The following POLRMT variants were observed in gnomAD, a reference collection of about 807,000 sequenced individuals.
POLRMT encodes RNA polymerase mitochondrial.
A neutral mutation model predicts 132.2 loss-of-function variants in POLRMT; 114 were observed. The observed-to-expected ratio is 0.86, with a 90% CI of 0.74 to 1.01. POLRMT has a LOEUF of 1.01. POLRMT is among the 50% of genes least tolerant of loss of function. The pLI, the probability that POLRMT is intolerant of heterozygous loss-of-function variation, is 0.00. For synonymous variants in POLRMT, 1,020 were observed against 773.4 expected (o/e 1.32, Z -5.29); for missense variants, 2,003 against 1,729.1 (o/e 1.16, Z -2.81).
chr19:617,565 C>T lies in POLRMT; in HGVS notation c.3581+5G>A, dbSNP rs1171569497. Reference sequence around the variant, plus strand: ...CCAGGTAGTTGGGGTCAGGGAGCGCCTTACTCAGAGCAGAACCGCTTGACC... The same window carrying T: ...CCAGGTAGTTGGGGTCAGGGAGCGCTTTACTCAGAGCAGAACCGCTTGACC... On this transcript the variant is annotated splice_donor_5th_base_variant and intron_variant, in intron 19 of 20. Coordinates refer to ENST00000588649, the MANE Select transcript of POLRMT (RefSeq NM_005035.4). 1.9e-6 allele frequency: 3 copies of T among 1,611,440 alleles called. No homozygotes were observed. Among genetic ancestry groups the T allele is most frequent in the Non-Finnish European group, 2.5e-6 (3 of 1,179,950 alleles).
intron 15 of POLRMT, 105 bp downstream of exon 15, chr19:618,892 G>C (rs938428880): frequency 3.0e-6 from 4 of 1,354,888 alleles, no homozygotes; most frequent in East Asian, 2.5e-5. Context: ...TGGCACACTG[G>C]GGCGGTGGTA....
chr19:618,229 G>T, intron 17 of POLRMT: 2 of 547,532 alleles, frequency 3.7e-6, no homozygotes, highest in Non-Finnish European at 3.3e-6. Flanking sequence ...ACCACACATC[G>T]CGGTGCCAAG....
rs1404588802 is a variant in POLRMT at position 622,392 on chromosome 19, A to G, written c.1627-19T>C. 6.1e-5 allele frequency: 94 copies of G among 1,532,142 alleles called. No homozygotes were observed. Among genetic ancestry groups the G allele is most frequent in the Non-Finnish European group, 8.0e-5 (91 of 1,138,008 alleles). 94.9% of individuals were successfully genotyped at this position (1,532,142 alleles called of 1,614,324 possible). On this transcript the variant is annotated intron_variant, in intron 8 of 20. Coordinates refer to ENST00000588649, the MANE Select transcript of POLRMT (RefSeq NM_005035.4). ...CGGGCACCTGTAGGACAGGGCGGTC[A>G]GGGCGCTGGGCACCGGGGCCCCTGA... is the stretch of plus-strand genomic sequence containing the variant.
chr19:617,419 C>T lies in POLRMT; in HGVS notation c.3643G>A (p.Gly1215Arg). The T allele has an allele frequency of 6.2e-7, 1 of 1,612,246 alleles. No homozygotes were observed. The highest frequency in any genetic ancestry group is 1.7e-5 in the Admixed American group (1 of 60,004). The change falls in exon 20 of 21, where the codon GGG (glycine) becomes AGG (arginine). Residue 1215 changes from glycine (G) to arginine (R), a missense_variant and splice_region_variant. By Grantham distance (125) the Gly-to-Arg change is moderately radical (BLOSUM62 -2). Coordinates refer to ENST00000588649, the MANE Select transcript of POLRMT (RefSeq NM_005035.4). ...KETLQAVPKP[G>R]AFDLEQVKRS... ...CTTGCGAGGCTGCCCACCCGCCTAC[C>T]TGGCTTGGGCACCGCCTGCAGTGTC... is the stretch of plus-strand genomic sequence containing the variant.
chr19:632,823 G>T lies in POLRMT; in HGVS notation c.193+11C>A. 1 of 1,531,408 alleles carries T rather than the reference G, an allele frequency of 6.5e-7. No individual in the cohort carries two copies. Among genetic ancestry groups the T allele is most frequent in the Non-Finnish European group, 8.8e-7 (1 of 1,141,010 alleles). The allele number at this position is 1,531,408 out of a possible 1,614,324, so 94.9% of individuals were successfully genotyped here. On this transcript the variant is annotated intron_variant, in intron 2 of 20. Coordinates refer to ENST00000588649, the MANE Select transcript of POLRMT (RefSeq NM_005035.4). ...TCTCCTCTCCCGGGCCGCCGTGGGG[G>T]TCGCGCTCACCCTCCAGCAGCTCCA... is the stretch of plus-strand genomic sequence containing the variant.
rs1304356609 is a variant in POLRMT at position 618,993 on chromosome 19, T to TG, written c.3267+3dup. 1.9e-6 allele frequency: 3 copies of TG among 1,570,258 alleles called. No homozygotes were observed. In the Admixed American group the frequency reaches 5.4e-5, roughly 28 times the overall value. On this transcript the variant is annotated splice_donor_region_variant and intron_variant, in intron 15 of 20. Transcript: ENST00000588649. ...ACTGGGGAGGGATGGGGTGGTACACTGACCTTGACCTTGGAGTCCAGGCGA... is the reference window on the plus strand; with the variant it reads ...ACTGGGGAGGGATGGGGTGGTACACTGGACCTTGACCTTGGAGTCCAGGCGA...
chr19:618,982 G>C lies in POLRMT; in HGVS notation c.3267+15C>G, dbSNP rs760920159. On this transcript the variant is annotated intron_variant, in intron 15 of 20. Coordinates refer to ENST00000588649, the MANE Select transcript of POLRMT (RefSeq NM_005035.4). Reference sequence around the variant, plus strand: ...GATGGTGGCACACTGGGGAGGGATGGGGTGGTACACTGACCTTGACCTTGG... The same window carrying C: ...GATGGTGGCACACTGGGGAGGGATGCGGTGGTACACTGACCTTGACCTTGG... 4.5e-6 allele frequency: 7 copies of C among 1,549,448 alleles called. No individual in the cohort carries two copies. In the African/African-American group the frequency reaches 9.6e-5, roughly 21 times the overall value.
intron 17 of POLRMT, 184 bp from the exon 18 acceptor site, chr19:618,033 G>T: frequency 1.6e-6 from 1 of 606,502 alleles, no homozygotes; most frequent in Non-Finnish European, 2.9e-6. Context: ...CAGTACAGGG[G>T]GAGGAAATGT....
At position 622,982 on chromosome 19, in the gene POLRMT, T is replaced by G. The variant is rs1361935044; in HGVS notation, c.1294A>C (p.Lys432Gln). The change falls in exon 7 of 21, where the codon AAG (lysine) becomes CAG (glutamine). Residue 432 changes from lysine to glutamine, a missense_variant. Coordinates refer to ENST00000588649, the MANE Select transcript of POLRMT (RefSeq NM_005035.4). The stretch of plus-strand genomic sequence containing the variant: ...TGGTCCCGCAGGGTCTTCAGGGTCT[T>G]CCGCTGCGGGGGATGAACGGGCCCG... ...LPSKEVKHAR[K>Q]TLKTLRDQWE... 3.1e-6 allele frequency: 5 copies of G among 1,612,144 alleles called. No individual in the cohort carries two copies. Among genetic ancestry groups the G allele is most frequent in the Admixed American group, 1.7e-5 (1 of 59,950 alleles).
Position 618,063 on chromosome 19 carries a change from C to A in POLRMT, c.3423-214G>T, listed in dbSNP as rs531088969. On this transcript the variant is annotated intron_variant, in intron 17 of 20. Coordinates refer to ENST00000588649, the MANE Select transcript of POLRMT (RefSeq NM_005035.4). ...AAATGTTCCCAGAAGCCTCCTCGCC[C>A]CACCCCTGCCGCCCCCCACGCTGCT... 46 of 590,414 alleles carry A rather than the reference C, an allele frequency of 7.8e-5. No homozygotes were observed. The East Asian group carries it at 1.2e-3, about 15-fold the overall frequency. 36.6% of individuals were successfully genotyped at this position (590,414 alleles called of 1,614,324 possible).
At chr19:627,924 CAAAA>C (rs35674455) in intron 3 of POLRMT, among the ~76,000 whole-genome samples, 16 of 101,884 alleles carry the variant, frequency 1.6e-4, no homozygotes, top group African/African-American at 3.9e-4. Context: ...GAGTCTATCT[CAAAA>C]AAAAAAAAAA....
rs912109245 is a variant in POLRMT at position 620,634 on chromosome 19, G to A, written c.2641-147C>T. ...GACGCATGTGGGCGAGAGACGGGGCGGTGGCTGGATGAGTTCTCCATAGCC... is the reference window on the plus strand; with the variant it reads ...GACGCATGTGGGCGAGAGACGGGGCAGTGGCTGGATGAGTTCTCCATAGCC... On this transcript the variant is annotated intron_variant, in intron 10 of 20. Transcript: ENST00000588649. The A allele has an allele frequency of 1.0e-5, 11 of 1,082,514 alleles. No individual in the cohort carries two copies. The African/African-American group carries it at 1.1e-4, about 11-fold the overall frequency. The allele number at this position is 1,082,514 out of a possible 1,614,324, so 67.1% of individuals were successfully genotyped here.
intron 2 of POLRMT, 31 bp downstream of exon 2, chr19:632,803 T>G (rs1985519986): frequency 6.6e-7 from 1 of 1,512,286 alleles, no homozygotes; most frequent in Non-Finnish European, 8.9e-7. Context: ...CGGACTCTCC[T>G]CTCCCGGGCC....
In POLRMT at chr19:618,695, C is replaced by A. The variant is rs1984225413; in HGVS notation, c.3323+10G>T. On this transcript the variant is annotated intron_variant, in intron 16 of 20. Transcript: ENST00000588649. Reference sequence around the variant, plus strand: ...CCCCGGCCAGGCCCCAGCCCGGGCCCCCCACTCACCGGCTGATGTCTCCGT... The same window carrying A: ...CCCCGGCCAGGCCCCAGCCCGGGCCACCCACTCACCGGCTGATGTCTCCGT... The A allele has an allele frequency of 6.2e-7, 1 of 1,606,512 alleles. No individual in the cohort carries two copies. The highest frequency in any genetic ancestry group is 8.5e-7 in the Non-Finnish European group (1 of 1,176,732).
chr19:628,534 T>C (rs902415681), intron 3 of POLRMT, among the ~76,000 whole-genome samples: 1 of 152,222 alleles, frequency 6.6e-6, no homozygotes, highest in African/African-American at 2.4e-5. Flanking sequence ...GGTCTTAATA[T>C]TGCGATATCT....
intron 11 of POLRMT, 44 bp from the exon 12 acceptor site, chr19:620,124 G>C (rs565558104): frequency 1.0e-5 from 16 of 1,531,858 alleles, no homozygotes; most frequent in Admixed American, 2.0e-5. Flanking sequence ...TAGAGAGGCA[G>C]AGACGTGTGG....
chr19:625,023 G>A, intron 4 of POLRMT, 101 bp downstream of exon 4: 1 of 1,516,866 alleles, frequency 6.6e-7, no homozygotes, highest in South Asian at 1.3e-5. Flanking sequence ...TGGCTGTCAG[G>A]CCCTCTGGGG....
intron 6 of POLRMT, 82 bp downstream of exon 6, chr19:623,372 G>T (rs546945713): frequency 1.9e-6 from 3 of 1,553,852 alleles, no homozygotes; most frequent in South Asian, 2.4e-5. Flanking sequence ...GCGGACACGG[G>T]ACCCCGGCTC....
rs771632426 is a variant in POLRMT, at chr19:621,866, C to G, written c.1852-20G>C. ...GCCGATCTGGGGTGCGACAGGCAGA[C>G]GGGTCAGGGCCCCGGTGCTGGGGCT... On this transcript the variant is annotated intron_variant, in intron 9 of 20. Transcript: ENST00000588649. 3 of 1,599,742 alleles carry G rather than the reference C, an allele frequency of 1.9e-6. No homozygotes were observed. The African/African-American group carries it at 4.0e-5, about 21-fold the overall frequency.
Sources: gnomAD v4.1 joint callset for allele counts (sites outside exome capture counted in the v4.1 genomes callset) on GRCh38, gnomAD v4.1.1 for gene constraint, MANE v1.5 for transcripts, NCBI Gene and HGNC (gene_info 2026-07-23, HGNC 2026-07-21) for gene names.